INSYN2A: variants seen among roughly 807,000 people sequenced by gnomAD.
The protein encoded by INSYN2A is family with sequence similarity 196 member A.
In INSYN2A, 17 loss-of-function variants were observed where a neutral mutation model predicts 39.4. The observed-to-expected ratio is 0.43, with a 90% CI of 0.30 to 0.65. The LOEUF (loss-of-function observed/expected upper bound fraction) is 0.65, where lower values mean the gene tolerates loss of function less well. INSYN2A is among the 30% of genes least tolerant of loss of function. INSYN2A has a pLI of 0.14. For missense variants in INSYN2A, 595 were observed against 631.2 expected (o/e 0.94, Z 0.61); for synonymous variants, 255 against 265.7 (o/e 0.96, Z 0.39).
intron 5 of INSYN2A, among the ~76,000 whole-genome samples, chr10:127,144,872 T>A (rs1274320200): frequency 6.6e-6 from 1 of 152,200 alleles, no homozygotes; most frequent in East Asian, 1.9e-4. Context: ...AAATGGCTAA[T>A]CCATGATAGT....
chr10:127,154,764 T>C (rs1213907650), intron 4 of INSYN2A, among the ~76,000 whole-genome samples: 1 of 152,142 alleles, frequency 6.6e-6, no homozygotes, highest in East Asian at 1.9e-4. Flanking sequence ...TCCCCCCTAA[T>C]TAAAAAATTA....
intron 2 of INSYN2A, among the ~76,000 whole-genome samples, chr10:127,185,415 A>G (rs570351379): frequency 2.0e-5 from 3 of 152,076 alleles, no homozygotes; most frequent in Non-Finnish European, 4.4e-5. Context: ...AATCCCAGCT[A>G]CTTGGGAGGC....
chr10:127,195,025 T>G (rs2057009984), intron 1 of INSYN2A, among the ~76,000 whole-genome samples: 1 of 152,150 alleles, frequency 6.6e-6, no homozygotes, highest in South Asian at 2.1e-4. Flanking sequence ...GCACCCATTT[T>G]CTCTCCTATT....
intron 2 of INSYN2A, among the ~76,000 whole-genome samples, chr10:127,183,523 C>G (rs1449727014): frequency 6.6e-6 from 1 of 152,190 alleles, no homozygotes; most frequent in African/African-American, 2.4e-5. Flanking sequence ...TATTCCTAAG[C>G]TGATAGCCAA....
chr10:127,158,540 C>T (rs2133612476), intron 4 of INSYN2A, among the ~76,000 whole-genome samples: 1 of 152,288 alleles, frequency 6.6e-6, no homozygotes, highest in South Asian at 2.1e-4. Flanking sequence ...GATACAATAC[C>T]TGGTACCTTC....
intron 4 of INSYN2A, among the ~76,000 whole-genome samples, chr10:127,165,601 A>C (rs143071746): frequency 6.6e-6 from 1 of 152,260 alleles, no homozygotes; most frequent in East Asian, 1.9e-4. Flanking sequence ...CATTGCAAAC[A>C]ATGCAGTATC....
intron 4 of INSYN2A, among the ~76,000 whole-genome samples, chr10:127,174,228 TG>T (rs2054852533): frequency 6.6e-6 from 1 of 152,194 alleles, no homozygotes; most frequent in Admixed American, 6.5e-5. Context: ...GCACATCACA[TG>T]AGGCAACAGG....
intron 2 of INSYN2A, among the ~76,000 whole-genome samples, chr10:127,180,702 C>T (rs1177246084): frequency 6.6e-6 from 1 of 152,118 alleles, no homozygotes; most frequent in Non-Finnish European, 1.5e-5. Context: ...ATGGAAGCAA[C>T]TTAATGGCTA....
intron 2 of INSYN2A, among the ~76,000 whole-genome samples, chr10:127,186,177 T>C (rs571556335): frequency 2.4e-4 from 37 of 152,122 alleles, no homozygotes; most frequent in African/African-American, 8.9e-4. Flanking sequence ...CTTCCAAGGG[T>C]GTATTAGTCC....
At chr10:127,161,222 A>G (rs1395267541) in intron 4 of INSYN2A, among the ~76,000 whole-genome samples, 1 of 152,236 alleles carries the variant, frequency 6.6e-6, no homozygotes, top group Non-Finnish European at 1.5e-5. Context: ...ACGCAAGTAC[A>G]TTGTCTTAGC....
Position 127,194,862 on chromosome 10 carries a change from C to T in INSYN2A, c.-395+1135G>A, listed in dbSNP as rs12778868. ...TTGCAGTTTCACCTCGGGATGCTTCCGCAGAATTTCAGCGCCTAAGCAGAC... is the reference window on the plus strand; with the variant it reads ...TTGCAGTTTCACCTCGGGATGCTTCTGCAGAATTTCAGCGCCTAAGCAGAC... On this transcript the variant is annotated intron_variant, in intron 1 of 5. Coordinates refer to ENST00000522781, the MANE Select transcript of INSYN2A (RefSeq NM_001039762.3). Among the ~76,000 whole-genome samples, 294 of 152,102 alleles carry T rather than the reference C, an allele frequency of 1.9e-3. 1 individual carries two copies. Among genetic ancestry groups the T allele is most frequent in the Non-Finnish European group, 3.1e-3 (212 of 68,014 alleles).
chr10:127,146,937 C>T (rs1036446089), intron 5 of INSYN2A, among the ~76,000 whole-genome samples: 5 of 152,228 alleles, frequency 3.3e-5, no homozygotes, highest in South Asian at 2.1e-4. Context: ...CTATCCTGAC[C>T]AGCTTTCTTT....
At chr10:127,160,928 T>C (rs1009850748) in intron 4 of INSYN2A, among the ~76,000 whole-genome samples, 1 of 152,244 alleles carries the variant, frequency 6.6e-6, no homozygotes, top group Non-Finnish European at 1.5e-5. Flanking sequence ...GTCAGCATCT[T>C]GAAGGGCTTT....
In INSYN2A at chr10:127,175,527, C is replaced by T; in HGVS notation, c.869G>A (p.Arg290Lys). The T allele has an allele frequency of 6.8e-6, 11 of 1,609,890 alleles. No individual in the cohort carries two copies. Among genetic ancestry groups the T allele is most frequent in the Non-Finnish European group, 9.3e-6 (11 of 1,180,014 alleles). Residue 290 changes from arginine (R) to lysine (K), a missense_variant, in exon 4 of 6, where the codon AGA becomes AAA. Transcript: ENST00000522781. The surrounding 1 kb of genome is among the most constrained non-coding windows in gnomAD (Gnocchi z 6.3). ...SLCPADDERRRATHLNGLQAP... is the reference protein window; with the variant it reads ...SLCPADDERRKATHLNGLQAP... The stretch of plus-strand genomic sequence containing the variant: ...CTGGAGCCCGTTGAGATGTGTGGCT[C>T]TCCTCCGCTCGTCATCTGCCGGGCA...
chr10:127,177,347 C>A (rs938576668), intron 2 of INSYN2A, among the ~76,000 whole-genome samples: 1 of 152,196 alleles, frequency 6.6e-6, no homozygotes, highest in Admixed American at 6.5e-5. Flanking sequence ...CCAATGACTC[C>A]TCTCGGGGAA....
At chr10:127,164,071 G>A (rs757444303) in intron 4 of INSYN2A, among the ~76,000 whole-genome samples, 1 of 150,830 alleles carries the variant, frequency 6.6e-6, no homozygotes, top group African/African-American at 2.4e-5. Flanking sequence ...ATTCCAACCT[G>A]GGTGGCGTCC....
Position 127,176,123 on chromosome 10 carries a change from G to A in INSYN2A, c.273C>T (p.Pro91=), listed in dbSNP as rs374772780. 3.3e-5 allele frequency: 54 copies of A among 1,613,962 alleles called. No individual in the cohort carries two copies. The Admixed American group carries it at 3.5e-4, about 10-fold the overall frequency. The change falls in exon 4 of 6, where the codon CCC becomes CCT. Residue 91 remains proline (P), a synonymous_variant. Coordinates refer to ENST00000522781, the MANE Select transcript of INSYN2A (RefSeq NM_001039762.3). The surrounding 1 kb of genome is among the most constrained non-coding windows in gnomAD (Gnocchi z 4.4). ...RAAYRKYMTV[P]ARRSIPNVTK... The stretch of plus-strand genomic sequence containing the variant: ...TGACGTTGGGGATGGACCTGCGTGC[G>A]GGCACTGTCATGTATTTGCGGTAGG...
In INSYN2A at chr10:127,182,398, G is replaced by A. The variant is rs141939776; in HGVS notation, c.-268-5259C>T. ...CTTCGGGGAGTGAGAACAAAGGAGGGCAAGCATGCATGCTTGGGGCTTGGT... is the reference window on the plus strand; with the variant it reads ...CTTCGGGGAGTGAGAACAAAGGAGGACAAGCATGCATGCTTGGGGCTTGGT... On this transcript the variant is annotated intron_variant, in intron 2 of 5. Coordinates refer to ENST00000522781, the MANE Select transcript of INSYN2A (RefSeq NM_001039762.3). Among the ~76,000 whole-genome samples the A allele has an allele frequency of 2.1e-3, 325 of 152,252 alleles. 3 individuals carry two copies. Among genetic ancestry groups the A allele is most frequent in the African/African-American group, 7.5e-3 (312 of 41,528 alleles).
intron 4 of INSYN2A, among the ~76,000 whole-genome samples, chr10:127,161,816 G>A (rs2053615708): frequency 6.6e-6 from 1 of 152,206 alleles, no homozygotes; most frequent in African/African-American, 2.4e-5. Context: ...GAGATGGCAA[G>A]AAAGATCTGT....
Sources: allele counts gnomAD v4.1 joint callset (sites outside exome capture counted in the v4.1 genomes callset), GRCh38; gene constraint gnomAD v4.1.1; non-coding constraint Gnocchi (gnomAD v3.1); transcripts MANE v1.5; gene names NCBI Gene and HGNC (gene_info 2026-07-23, HGNC 2026-07-21).